ABCC4: variants seen among roughly 807,000 people sequenced by gnomAD.
ABCC4 encodes ATP-binding cassette sub-family C member 4.
A neutral mutation model predicts 168.5 loss-of-function variants in ABCC4; 102 were observed. The observed-to-expected ratio is 0.61, with a 90% confidence interval of 0.52 to 0.71. The LOEUF is 0.71. Among genes scored for constraint, ABCC4 ranks in the 30% least tolerant of loss-of-function variants. The pLI, the probability that ABCC4 is intolerant of heterozygous loss-of-function variation, is 0.00. For synonymous variants in ABCC4, 617 were observed against 590.7 expected (o/e 1.04, Z -0.65); for missense variants, 1,402 against 1,605.8 (o/e 0.87, Z 2.17).
intron 1 of ABCC4, among the ~76,000 whole-genome samples, chr13:95,284,044 A>G (rs1425131205): frequency 2.0e-5 from 3 of 151,580 alleles, no homozygotes; most frequent in Non-Finnish European, 4.4e-5. Flanking sequence ...TACTAAAAAT[A>G]CAAAAAAATT....
chr13:95,052,759 G>A (rs1250649269), intron 27 of ABCC4, among the ~76,000 whole-genome samples: 1 of 152,174 alleles, frequency 6.6e-6, no homozygotes, highest in Admixed American at 6.5e-5. Flanking sequence ...GAACAGAGCA[G>A]TAAAATAAAT....
chr13:95,076,621 C>T (rs376698736), intron 21 of ABCC4, among the ~76,000 whole-genome samples: 24 of 151,858 alleles, frequency 1.6e-4, no homozygotes, highest in African/African-American at 5.3e-4. Flanking sequence ...TCCACCACCA[C>T]GGCCGGCTAA....
chr13:95,184,103 C>G (rs1257722140), intron 11 of ABCC4, among the ~76,000 whole-genome samples: 2 of 152,230 alleles, frequency 1.3e-5, no homozygotes, highest in Non-Finnish European at 2.9e-5. Context: ...CCTGAGGGGA[C>G]CCCATTGCCA....
At chr13:95,176,229 G>C (rs1424136349) in intron 13 of ABCC4, among the ~76,000 whole-genome samples, 91 of 53,300 alleles carry the variant, frequency 1.7e-3, no homozygotes, top group African/African-American at 9.5e-3. Flanking sequence ...AGGGCAGGGG[G>C]GGGGGGGGGG....
intron 20 of ABCC4, among the ~76,000 whole-genome samples, chr13:95,087,171 C>A (rs1224762287): frequency 2.0e-5 from 3 of 152,034 alleles, no homozygotes; most frequent in Non-Finnish European, 4.4e-5. Context: ...AGAAGAAATT[C>A]TTCTACTTAT....
At chr13:95,168,475 C>G (rs1211890322) in intron 14 of ABCC4, among the ~76,000 whole-genome samples, 1 of 152,222 alleles carries the variant, frequency 6.6e-6, no homozygotes, top group Non-Finnish European at 1.5e-5. Flanking sequence ...ACACACAAGA[C>G]TTGCAAGAGC....
intron 20 of ABCC4, among the ~76,000 whole-genome samples, chr13:95,102,007 T>C (rs1171886325): frequency 6.6e-6 from 1 of 152,206 alleles, no homozygotes; most frequent in Non-Finnish European, 1.5e-5. Context: ...AGGTAGAATT[T>C]TCTCCATTTT....
chr13:95,188,269 T>C (rs184003419), intron 10 of ABCC4, among the ~76,000 whole-genome samples, 184 bp downstream of exon 10: 25 of 152,346 alleles, frequency 1.6e-4, no homozygotes, highest in East Asian at 1.3e-3. Flanking sequence ...AAACATGATA[T>C]GCATTGTCCA....
intron 20 of ABCC4, among the ~76,000 whole-genome samples, chr13:95,092,510 A>G (rs2034467543): frequency 6.6e-6 from 1 of 152,222 alleles, no homozygotes; most frequent in Non-Finnish European, 1.5e-5. Flanking sequence ...ATGGAAATTA[A>G]AAAATATTTC....
chr13:95,283,303 A>G (rs1174136885), intron 1 of ABCC4, among the ~76,000 whole-genome samples: 2 of 151,196 alleles, frequency 1.3e-5, no homozygotes, highest in East Asian at 1.9e-4. Flanking sequence ...AGGACTGATT[A>G]AAACACAGGC....
rs1566563787 is a variant in ABCC4 at position 95,244,663 on chromosome 13, AAGAAAG to A, written c.306+2306_306+2311del. ...AAAGAAAGAAAGAAAGAAAGAAAGA[AAGAAAG>A]AAATCATAGCAGTTCCTGGTACATA... is the stretch of plus-strand genomic sequence containing the variant. On this transcript the variant is annotated intron_variant, in intron 3 of 30. Transcript: ENST00000645237. 2.2e-3 allele frequency among the ~76,000 whole-genome samples: 44 copies of A among 20,382 alleles called. 3 individuals carry two copies. Among genetic ancestry groups the A allele is most frequent in the East Asian group, 0.011 (11 of 990 alleles). 13.4% of individuals were successfully genotyped at this position (20,382 alleles called of 152,430 possible). A position where few individuals can be genotyped will look rare whatever the true frequency, so the allele number is the denominator to read the frequency against.
chr13:95,031,956 TGA>T (rs2031896875), intron 30 of ABCC4, among the ~76,000 whole-genome samples: 1 of 152,218 alleles, frequency 6.6e-6, no homozygotes, highest in Non-Finnish European at 1.5e-5. Flanking sequence ...GTGAAATGCC[TGA>T]GGTACCAAAG....
At chr13:95,127,298 T>C (rs2035814214) in intron 19 of ABCC4, among the ~76,000 whole-genome samples, 3 of 152,138 alleles carry the variant, frequency 2.0e-5, no homozygotes, top group African/African-American at 7.2e-5. Flanking sequence ...TTTTATTTTA[T>C]TTTTTGAGAC....
intron 3 of ABCC4, among the ~76,000 whole-genome samples, chr13:95,242,978 T>C (rs2039987553): frequency 6.6e-6 from 1 of 152,236 alleles, no homozygotes; most frequent in South Asian, 2.1e-4. Context: ...GTTATTATGT[T>C]AAAGACACAA....
chr13:95,207,698 A>T, intron 7 of ABCC4, 102 bp downstream of exon 7: 1 of 1,286,826 alleles, frequency 7.8e-7, no homozygotes, highest in Non-Finnish European at 1.1e-6. Context: ...GATTGTACTG[A>T]ACTTCCCATA....
At chr13:95,133,223 C>T (rs940707297) in intron 19 of ABCC4, among the ~76,000 whole-genome samples, 1 of 147,540 alleles carries the variant, frequency 6.8e-6, no homozygotes, top group East Asian at 2.0e-4. Context: ...AAGCAATTCT[C>T]CCACCTCGGC....
At chr13:95,148,219 GTCAC>G (rs1344885911) in intron 19 of ABCC4, among the ~76,000 whole-genome samples, 2 of 151,948 alleles carry the variant, frequency 1.3e-5, no homozygotes, top group East Asian at 1.9e-4. Context: ...TCTCTTAATT[GTCAC>G]TCACACAAAA....
chr13:95,218,972 AGAAAGAAAGAAAGAGTG>A (rs1566539775), intron 4 of ABCC4, among the ~76,000 whole-genome samples: 2 of 41,704 alleles, frequency 4.8e-5, no homozygotes, highest in African/African-American at 2.3e-4. Context: ...AAAGAAAGAA[AGAAAGAAAGAAAGAGTG>A]AGAAAGAAAG....
At chr13:95,176,047 T>A (rs2037672028) in intron 13 of ABCC4, among the ~76,000 whole-genome samples, 1 of 151,838 alleles carries the variant, frequency 6.6e-6, no homozygotes, top group Admixed American at 6.6e-5. Context: ...AATCCTACTC[T>A]CAGCCACCAC....
Sources: gnomAD v4.1 joint callset for allele counts (sites outside exome capture counted in the v4.1 genomes callset) on GRCh38, gnomAD v4.1.1 for gene constraint, MANE v1.5 for transcripts, NCBI Gene and HGNC (gene_info 2026-07-23, HGNC 2026-07-21) for gene names.